RGS3: variants seen among roughly 807,000 people sequenced by gnomAD.
The protein encoded by RGS3 is regulator of G protein signaling 3.
Under a neutral mutation model 132.6 loss-of-function variants are expected in RGS3, and 80 were observed. That is an observed-to-expected ratio of 0.60 (90% CI 0.50 to 0.73). The LOEUF is 0.73. Ranked by LOEUF, RGS3 falls within the 30% of genes least tolerant of loss-of-function variation. RGS3 has a pLI of 0.00. For synonymous variants in RGS3, 598 were observed against 620.6 expected, an observed-to-expected ratio of 0.96 and a Z score of 0.54; for missense variants, 1,382 against 1,530.8, an observed-to-expected ratio of 0.90 and a Z score of 1.62.
chr9:113,501,569 C>T lies in RGS3; in HGVS notation c.897+3489C>T, dbSNP rs775346939. 1.7e-5 allele frequency: 26 copies of T among 1,548,140 alleles called. No individual in the cohort carries two copies. The Admixed American group carries it at 3.7e-4, about 22-fold the overall frequency. On this transcript the variant is annotated intron_variant, in intron 10 of 24. Transcript: ENST00000350696. ...CATGGGGCGGCAGCCGAGGCAGGAC[C>T]CGCAGCCATGAACCGCTTCAATGGG...
Position 113,495,490 on chromosome 9 carries a change from C to T in RGS3, c.690-296C>T, listed in dbSNP as rs185745368. Among the ~76,000 whole-genome samples the T allele has an allele frequency of 2.0e-5, 3 of 152,250 alleles. 1 individual carries two copies. Among genetic ancestry groups the T allele is most frequent in the Admixed American group, 2.0e-4 (3 of 15,300 alleles). ...TCTTCAGATCTACCTAGCACCAGAA[C>T]GGTTAAAACTCATGAAGTACCGCTG... On this transcript the variant is annotated intron_variant, in intron 7 of 24. Transcript: ENST00000350696.
At chr9:113,567,080 C>G (rs1454126474) in intron 19 of RGS3, among the ~76,000 whole-genome samples, 2 of 152,252 alleles carry the variant, frequency 1.3e-5, no homozygotes, top group Non-Finnish European at 2.9e-5. Flanking sequence ...CAAGTGACCA[C>G]TCCTCGTGAG....
chr9:113,540,514 C>T (rs111253473), intron 19 of RGS3, among the ~76,000 whole-genome samples: 2,073 of 152,252 alleles, frequency 0.014, 42 homozygotes, highest in African/African-American at 0.048. Context: ...CCAGTGGGGT[C>T]CTGGCTATCC....
At chr9:113,481,909 G>A (rs918307874) in intron 4 of RGS3, among the ~76,000 whole-genome samples, 1 of 152,110 alleles carries the variant, frequency 6.6e-6, no homozygotes, top group African/African-American at 2.4e-5. Flanking sequence ...AGCCGGGTGT[G>A]GTGGCACAAG....
chr9:113,533,778 G>A (rs1442384384), intron 18 of RGS3, among the ~76,000 whole-genome samples: 1 of 152,140 alleles, frequency 6.6e-6, no homozygotes, highest in Non-Finnish European at 1.5e-5. Context: ...CCTTTACATG[G>A]GAACACTGGA....
At chr9:113,476,190 A>G (rs76335384) in intron 3 of RGS3, among the ~76,000 whole-genome samples, 3,088 of 152,254 alleles carry the variant, frequency 0.02, 49 homozygotes, top group Non-Finnish European at 0.029. Context: ...TGTGTTGGCA[A>G]ACGCAGTGGG....
intron 19 of RGS3, among the ~76,000 whole-genome samples, chr9:113,563,517 G>T (rs1833875320): frequency 6.6e-6 from 1 of 152,166 alleles, no homozygotes; most frequent in African/African-American, 2.4e-5. Flanking sequence ...AGCCTCATTG[G>T]TGATTGTTTA....
chr9:113,479,240 G>C (rs1243890183), intron 3 of RGS3: 1 of 543,848 alleles, frequency 1.8e-6, no homozygotes, highest in Non-Finnish European at 3.3e-6. Flanking sequence ...GTACAGTAGT[G>C]AGCTCCCCAT....
At chr9:113,452,519 A>C (rs1829267012) in intron 1 of RGS3, among the ~76,000 whole-genome samples, 1 of 151,612 alleles carries the variant, frequency 6.6e-6, no homozygotes, top group Non-Finnish European at 1.5e-5. Context: ...TCTTCTGCTC[A>C]GAGTTCATTG....
At chr9:113,533,783 A>G (rs2118576926) in intron 18 of RGS3, among the ~76,000 whole-genome samples, 1 of 152,272 alleles carries the variant, frequency 6.6e-6, no homozygotes, top group Admixed American at 6.5e-5. Context: ...ACATGGGAAC[A>G]CTGGAGACAG....
intron 4 of RGS3, among the ~76,000 whole-genome samples, chr9:113,481,970 C>T (rs550255550): frequency 4.6e-5 from 7 of 151,030 alleles, no homozygotes; most frequent in East Asian, 2.0e-4. Flanking sequence ...CACTTGAACC[C>T]GGGAGGTGGA....
chr9:113,555,537 G>A (rs1187728021), intron 19 of RGS3, among the ~76,000 whole-genome samples: 2 of 151,458 alleles, frequency 1.3e-5, no homozygotes, highest in Middle Eastern at 3.4e-3. Flanking sequence ...GTGCAATCTC[G>A]GCTCCTGCAA....
intron 19 of RGS3, among the ~76,000 whole-genome samples, chr9:113,569,502 G>T (rs1834168756): frequency 1.3e-5 from 2 of 152,076 alleles, no homozygotes; most frequent in Non-Finnish European, 2.9e-5. Context: ...CTCACTTCCT[G>T]CAGTTCCCAG....
At chr9:113,554,156 C>T (rs1023428413) in intron 19 of RGS3, among the ~76,000 whole-genome samples, 1 of 152,208 alleles carries the variant, frequency 6.6e-6, no homozygotes, top group African/African-American at 2.4e-5. Context: ...GTACAATTTG[C>T]ATTCCTACTC....
exon 20 of RGS3, chr9:113,583,596 C>A (rs771986070): frequency 1.9e-6 from 3 of 1,614,154 alleles, no homozygotes; most frequent in South Asian, 2.2e-5. Flanking sequence ...ACAAGGACTC[C>A]CCTTCTGGGC....
rs976180677 is a variant in RGS3, at chr9:113,567,216, ACCCCT to A, written c.2038-16209_2038-16205del. ...CAAATGCTGTTCCAGCTGCCTGGAA[ACCCCT>A]CCCCTCCCCTCCCCTCCCCTCCCCC... On this transcript the variant is annotated intron_variant, in intron 19 of 24. Transcript: ENST00000350696. Among the ~76,000 whole-genome samples the A allele has an allele frequency of 2.0e-4, 29 of 147,660 alleles. 1 individual carries two copies. The highest frequency in any genetic ancestry group is 4.3e-4 in the South Asian group (2 of 4,654).
rs879867736 is a variant in RGS3, at chr9:113,591,250, A to T, written c.3016-83A>T. 8.1e-6 allele frequency: 10 copies of T among 1,237,500 alleles called. No homozygotes were observed. Among genetic ancestry groups the T allele is most frequent in the Non-Finnish European group, 1.2e-5 (10 of 850,994 alleles). 76.7% of individuals were successfully genotyped at this position (1,237,500 alleles called of 1,614,324 possible). A position where few individuals can be genotyped will look rare whatever the true frequency, so the allele number is the denominator to read the frequency against. On this transcript the variant is annotated intron_variant, in intron 20 of 24. Transcript: ENST00000350696. This position sits in a 1 kb window ranked among gnomAD's most constrained non-coding sequence, Gnocchi z 4.4. ...GGGATGGAAGGGGCTGGTGGCAGGG[A>T]ATGTTGGGTCTCTGAGCCTCTGTTT...
intron 19 of RGS3, among the ~76,000 whole-genome samples, chr9:113,575,449 C>T (rs1306025619): frequency 1.3e-5 from 2 of 152,194 alleles, no homozygotes; most frequent in African/African-American, 2.4e-5. Context: ...CCCCTCTCTC[C>T]TCCTGCAGTG....
intron 20 of RGS3, among the ~76,000 whole-genome samples, chr9:113,590,282 G>A (rs1835348676): frequency 6.6e-6 from 1 of 152,174 alleles, no homozygotes; most frequent in African/African-American, 2.4e-5. Flanking sequence ...CCAGGGTCTG[G>A]CCTATAGTAT....
Sources: gnomAD v4.1 joint callset for allele counts (sites outside exome capture counted in the v4.1 genomes callset) on GRCh38, gnomAD v4.1.1 for gene constraint, Gnocchi (gnomAD v3.1) non-coding constraint, MANE v1.5 for transcripts, NCBI Gene and HGNC (gene_info 2026-07-23, HGNC 2026-07-21) for gene names.